The following COBL variants were observed in gnomAD, a reference collection of about 807,000 sequenced individuals.
The protein encoded by COBL is protein cordon-bleu.
In COBL, 51 loss-of-function variants were observed where a neutral mutation model predicts 98.8. The observed-to-expected ratio is 0.52, with a 90% CI of 0.41 to 0.65. The LOEUF (loss-of-function observed/expected upper bound fraction) is 0.65. Among genes scored for constraint, COBL ranks in the 30% least tolerant of loss-of-function variants. COBL has a pLI of 0.00. For synonymous variants in COBL, 634 were observed against 651.7 expected, an observed-to-expected ratio of 0.97 and a Z score of 0.41; for missense variants, 1,617 against 1,617.5, an observed-to-expected ratio of 1.00 and a Z score of 0.01.
intron 6 of COBL, among the ~76,000 whole-genome samples, chr7:51,091,045 A>G (rs1311270049): frequency 1.3e-5 from 2 of 152,224 alleles, no homozygotes; most frequent in Non-Finnish European, 2.9e-5. Context: ...GCTGACTGAC[A>G]TGTTATTACA....
chr7:51,085,204 C>A lies in COBL; in HGVS notation c.1058G>T (p.Arg353Leu), dbSNP rs765121031. 2 of 1,613,688 alleles carry A rather than the reference C, an allele frequency of 1.2e-6. No individual in the cohort carries two copies. Among genetic ancestry groups the A allele is most frequent in the African/African-American group, 1.3e-5 (1 of 74,846 alleles). The change falls in exon 7 of 13, where the codon CGC becomes CTC. Residue 353 changes from arginine (R) to leucine (L), a missense_variant. Arg to Leu is a moderately radical substitution (Grantham distance 102). Coordinates refer to ENST00000265136, the MANE Select transcript of COBL (RefSeq NM_015198.5). ...CCTGTTCTCCTCCTTATCCTCAGTG[C>A]GGTTGGGGATCAGGGGACTCGGTGG... is the stretch of plus-strand genomic sequence containing the variant. ...PPPPSPLIPNRTEDKEENRKS... is the reference protein window; with the variant it reads ...PPPPSPLIPNLTEDKEENRKS...
intron 1 of COBL, among the ~76,000 whole-genome samples, chr7:51,265,322 C>A (rs1221570886): frequency 6.6e-6 from 1 of 152,192 alleles, no homozygotes; most frequent in African/African-American, 2.4e-5. Context: ...ACCAGAAGAA[C>A]TGGGTTCCAG....
At chr7:51,026,498 T>C in intron 11 of COBL, 48 bp downstream of exon 11, 1 of 1,598,896 alleles carries the variant, frequency 6.3e-7, no homozygotes. Flanking sequence ...GAAGAAGGGG[T>C]GGGTGGGTTT....
chr7:51,287,182 C>T (rs1214393949), intron 1 of COBL, among the ~76,000 whole-genome samples: 1 of 152,140 alleles, frequency 6.6e-6, no homozygotes, highest in Non-Finnish European at 1.5e-5. Flanking sequence ...TTCCCCAAAC[C>T]TCAGCATCCC....
rs146746103 is a variant in COBL at position 51,142,051 on chromosome 7, A to G, written c.784-5720T>C. On this transcript the variant is annotated intron_variant, in intron 5 of 12. Transcript: ENST00000265136. ...CTGGCATCCTGGAAATCCTGCACTGATTCCGAGGAAGCGGCAAAGAAAGAA... is the reference window on the plus strand; with the variant it reads ...CTGGCATCCTGGAAATCCTGCACTGGTTCCGAGGAAGCGGCAAAGAAAGAA... Among the ~76,000 whole-genome samples the G allele has an allele frequency of 3.9e-3, 589 of 152,278 alleles. 1 individual carries two copies. The highest frequency in any genetic ancestry group is 0.014 in the African/African-American group (566 of 41,554).
intron 5 of COBL, among the ~76,000 whole-genome samples, chr7:51,167,250 T>A (rs1188412691): frequency 1.3e-5 from 2 of 152,300 alleles, no homozygotes; most frequent in East Asian, 3.9e-4. Flanking sequence ...TTCAGTAATG[T>A]TGCAGGATAC....
intron 6 of COBL, among the ~76,000 whole-genome samples, chr7:51,103,706 G>A (rs186768204): frequency 3.4e-4 from 52 of 152,244 alleles, no homozygotes; most frequent in Non-Finnish European, 1.5e-5. Flanking sequence ...GCAGATACCT[G>A]TACAACAATA....
chr7:51,055,946 GC>G (rs1184756842), intron 7 of COBL, among the ~76,000 whole-genome samples: 1 of 152,170 alleles, frequency 6.6e-6, no homozygotes, highest in African/African-American at 2.4e-5. Flanking sequence ...AGGAGTATTT[GC>G]CTTTTTCTAA....
chr7:51,076,173 C>T (rs1377368521), intron 7 of COBL, among the ~76,000 whole-genome samples: 1 of 152,244 alleles, frequency 6.6e-6, no homozygotes, highest in Non-Finnish European at 1.5e-5. Context: ...GTGTTTCCCA[C>T]AACAAACAGG....
At chr7:51,114,384 C>T (rs1284610708) in intron 6 of COBL, among the ~76,000 whole-genome samples, 1 of 148,674 alleles carries the variant, frequency 6.7e-6, no homozygotes, top group Non-Finnish European at 1.5e-5. Context: ...AAAAAAAAAT[C>T]CAGAGATAAT....
chr7:51,226,348 T>TAAACA (rs1794180157), intron 1 of COBL, among the ~76,000 whole-genome samples: 6 of 152,216 alleles, frequency 3.9e-5, no homozygotes, highest in Admixed American at 1.3e-4. Flanking sequence ...ATAGGATGTT[T>TAAACA]GCTTCATCCT....
At chr7:51,115,497 T>C (rs1006714559) in intron 6 of COBL, among the ~76,000 whole-genome samples, 2 of 152,170 alleles carry the variant, frequency 1.3e-5, no homozygotes, top group African/African-American at 4.8e-5. Flanking sequence ...AAATAGTTTC[T>C]AATTTCCTTT....
At chr7:51,068,938 A>G (rs536186648) in intron 7 of COBL, among the ~76,000 whole-genome samples, 29 of 152,230 alleles carry the variant, frequency 1.9e-4, no homozygotes, top group Admixed American at 4.6e-4. Context: ...GGTTTCTGCT[A>G]TGGAGCCTGA....
chr7:51,259,336 A>T (rs1182078652), intron 1 of COBL: 14 of 265,062 alleles, frequency 5.3e-5, no homozygotes, highest in South Asian at 6.3e-5. Flanking sequence ...ACTAATAGGA[A>T]TACTAGTAAC....
chr7:51,036,736 C>T lies in COBL; in HGVS notation c.1407-5827G>A, dbSNP rs558987214. 4.0e-4 allele frequency among the ~76,000 whole-genome samples: 61 copies of T among 152,268 alleles called. 1 individual carries two copies. The South Asian group carries it at 0.012, about 29-fold the overall frequency. The stretch of plus-strand genomic sequence containing the variant: ...GACATCGGGCACTCCAGGGAGGCTC[C>T]CTTCAACTGGAGAAGCTACACTCTC... On this transcript the variant is annotated intron_variant, in intron 8 of 12. Transcript: ENST00000265136.
At chr7:51,032,867 G>C (rs1172720766) in intron 8 of COBL, 1 of 152,016 alleles carries the variant, frequency 6.6e-6, no homozygotes, top group African/African-American at 2.4e-5. Context: ...CCATATAAAA[G>C]AGCAATCTGA....
chr7:51,199,890 C>T (rs540408557), intron 2 of COBL, among the ~76,000 whole-genome samples: 9 of 151,894 alleles, frequency 5.9e-5, no homozygotes, highest in African/African-American at 2.2e-4. Flanking sequence ...CCCAACTCTA[C>T]AGAGGGAAGT....
chr7:51,303,585 A>C (rs568347068), intron 1 of COBL, among the ~76,000 whole-genome samples: 1 of 152,338 alleles, frequency 6.6e-6, no homozygotes, highest in East Asian at 1.9e-4. Flanking sequence ...AAGTGTGTCA[A>C]AGCAACTGGT....
intron 1 of COBL, among the ~76,000 whole-genome samples, chr7:51,283,772 A>G (rs1185180943): frequency 1.3e-5 from 2 of 152,158 alleles, no homozygotes; most frequent in African/African-American, 4.8e-5. Context: ...GTTGTGAGCC[A>G]CCGCATCTGG....
Sources: allele counts gnomAD v4.1 joint callset (sites outside exome capture counted in the v4.1 genomes callset), GRCh38; gene constraint gnomAD v4.1.1; transcripts MANE v1.5; gene names NCBI Gene and HGNC (gene_info 2026-07-23, HGNC 2026-07-21).